Variants in HOXB3 observed in about 807,000 individuals in gnomAD.
HOXB3 encodes homeobox protein Hox-B3.
A neutral mutation model predicts 29.2 loss-of-function variants in HOXB3; 17 were observed. The ratio of observed to expected loss-of-function variants is 0.58; its 90% confidence interval spans 0.40 to 0.87. HOXB3 has a LOEUF of 0.87. Ranked by LOEUF, HOXB3 falls within the 40% of genes least tolerant of loss-of-function variation. The probability of loss-of-function intolerance (pLI) is 0.00; values close to 1 mark genes in which losing one functional copy is unlikely to be tolerated. For missense variants in HOXB3, 637 were observed against 616.3 expected, an observed-to-expected ratio of 1.03 and a Z score of -0.35; for synonymous variants, 317 against 285.9, an observed-to-expected ratio of 1.11 and a Z score of -1.10.
chr17:48,573,900 T>C lies in HOXB3; in HGVS notation c.-310A>G. The C allele has an allele frequency of 1.4e-6, 1 of 701,728 alleles. No homozygotes were observed. Among genetic ancestry groups the C allele is most frequent in the Non-Finnish European group, 2.6e-6 (1 of 384,662 alleles). The allele number at this position is 701,728 out of a possible 1,614,324, so 43.5% of individuals were successfully genotyped here. ...ATCCCATTCATGACGAAGGGCTTCT[T>C]CCAAACTGAGAGAAAAAAGTTTTCA... On this transcript the variant is annotated 5_prime_UTR_variant, in exon 2 of 5. Transcript: ENST00000498678.
At chr17:48,579,499 C>A (rs1191959274) in intron 1 of HOXB3, 1 of 152,608 alleles carries the variant, frequency 6.6e-6, no homozygotes, top group African/African-American at 2.4e-5. Context: ...CCTTTGCCTT[C>A]TTCGCACACT....
intron 1 of HOXB3, chr17:48,578,109 G>T (rs1006234182): frequency 2.3e-6 from 3 of 1,277,630 alleles, no homozygotes; most frequent in African/African-American, 3.1e-5. Flanking sequence ...GGGGGCCCAG[G>T]GTCCCGGCAG....
rs865802713 is a variant in HOXB3, at chr17:48,578,418, C to A, written c.-424-4404G>T. ...GCCCTCCTACTTACTGTCAAGTGAA[C>A]AAAGTTAGGCGCCCACGTGATCCTC... On this transcript the variant is annotated intron_variant, in intron 1 of 4. Coordinates refer to ENST00000498678, the MANE Select transcript of HOXB3 (RefSeq NM_001384749.1). 2.8e-6 allele frequency: 4 copies of A among 1,441,360 alleles called. No homozygotes were observed. The East Asian group carries it at 8.4e-5, about 30-fold the overall frequency. 89.3% of individuals were successfully genotyped at this position (1,441,360 alleles called of 1,614,324 possible).
At chr17:48,577,652 C>G (rs892153818) in intron 1 of HOXB3, among the ~76,000 whole-genome samples, 1 of 152,314 alleles carries the variant, frequency 6.6e-6, no homozygotes, top group African/African-American at 2.4e-5. Flanking sequence ...GAACCTACTT[C>G]AAAGGCGCAG....
rs1420826256 is a variant in HOXB3, at chr17:48,554,722, C to T, written c.-159+809G>A. 1.4e-6 allele frequency: 1 copy of T among 702,364 alleles called. No individual in the cohort carries two copies. The highest frequency in any genetic ancestry group is 1.7e-5 in the African/African-American group (1 of 57,380). The allele number at this position is 702,364 out of a possible 1,614,324, so 43.5% of individuals were successfully genotyped here. ...TCCCAGCACACCAGCCGGCCGAGGG[C>T]CGAGCCCCGCGGGCGGCAGCAAGTT... On this transcript the variant is annotated intron_variant, in intron 3 of 4. Transcript: ENST00000498678. This position sits in a 1 kb window ranked among gnomAD's most constrained non-coding sequence, Gnocchi z 4.1.
chr17:48,561,980 C>T (rs1164698647), intron 2 of HOXB3, among the ~76,000 whole-genome samples: 1 of 152,128 alleles, frequency 6.6e-6, no homozygotes, highest in African/African-American at 2.4e-5. Context: ...ATAACGGGCA[C>T]CATCGTCACC....
intron 2 of HOXB3, among the ~76,000 whole-genome samples, chr17:48,562,555 C>T (rs1006634234): frequency 1.3e-5 from 2 of 152,150 alleles, no homozygotes; most frequent in African/African-American, 2.4e-5. Flanking sequence ...TCAAGATGCC[C>T]CAACAATGCA....
chr17:48,578,049 G>A (rs201123784), intron 1 of HOXB3: 12,424 of 1,223,522 alleles, frequency 0.01, 87 homozygotes, highest in Non-Finnish European at 0.012. Context: ...GGAGCCCGAG[G>A]GGACAGACCG....
chr17:48,573,978 C>T lies in HOXB3; in HGVS notation c.-388G>A. Reference sequence around the variant, plus strand: ...TTGCAGATCCGGGAGAGACGGCTAACACTTTTTTCCCCCAACAGCCGGTCC... The same window carrying T: ...TTGCAGATCCGGGAGAGACGGCTAATACTTTTTTCCCCCAACAGCCGGTCC... On this transcript the variant is annotated 5_prime_UTR_variant, in exon 2 of 5. Coordinates refer to ENST00000498678, the MANE Select transcript of HOXB3 (RefSeq NM_001384749.1). 1.5e-6 allele frequency: 1 copy of T among 678,470 alleles called. No homozygotes were observed. The highest frequency in any genetic ancestry group is 2.2e-5 in the Admixed American group (1 of 45,206). The allele number at this position is 678,470 out of a possible 1,614,324, so 42.0% of individuals were successfully genotyped here.
Position 48,551,147 on chromosome 17 carries a change from GCCGCCGCCA to G in HOXB3, c.474_482del (p.Gly162_Gly164del), listed in dbSNP as rs763638422. 7.1e-4 allele frequency: 918 copies of G among 1,297,156 alleles called. 4 individuals are homozygous for G. In the African/African-American group the frequency reaches 0.013, roughly 18 times the overall value. The allele number at this position is 1,297,156 out of a possible 1,614,324, so 80.4% of individuals were successfully genotyped here. On this transcript the variant is annotated inframe_deletion, in exon 5 of 5. Transcript: ENST00000498678. ...CCCCGCTGCCACCACTGCCTCCGCC[GCCGCCGCCA>G]CCGCCGCCGCCACCACAGCCCTCTG...
chr17:48,569,038 T>C (rs2069488990), intron 2 of HOXB3, among the ~76,000 whole-genome samples: 1 of 148,304 alleles, frequency 6.7e-6, no homozygotes, highest in Non-Finnish European at 1.5e-5. Flanking sequence ...TTTCTTTCTC[T>C]CTCTCTCTCT....
At chr17:48,576,269 G>GCGGGTGT (rs1297256769) in intron 1 of HOXB3, 2 of 154,190 alleles carry the variant, frequency 1.3e-5, no homozygotes, top group Non-Finnish European at 2.9e-5. Flanking sequence ...TCATTTGTTA[G>GCGGGTGT]CGGGTGTCGA....
At chr17:48,571,086 T>A (rs1185305336) in intron 2 of HOXB3, among the ~76,000 whole-genome samples, 1 of 152,180 alleles carries the variant, frequency 6.6e-6, no homozygotes, top group Non-Finnish European at 1.5e-5. Context: ...AAAATGACCA[T>A]ACTCTTTTCG....
rs2068870496 is a variant in HOXB3, at chr17:48,554,208, AG to A, written c.-159+1322del. ...TTAGCTTCCAAGCAGCCCTGGCTGA[AG>A]GGGGAATTAATTAACAGGCATTAGT... On this transcript the variant is annotated intron_variant, in intron 3 of 4. Coordinates refer to ENST00000498678, the MANE Select transcript of HOXB3 (RefSeq NM_001384749.1). This position sits in a 1 kb window ranked among gnomAD's most constrained non-coding sequence, Gnocchi z 4.1. The A allele has an allele frequency of 5.5e-6, 1 of 181,656 alleles. No individual in the cohort carries two copies. Among genetic ancestry groups the A allele is most frequent in the African/African-American group, 2.4e-5 (1 of 41,882 alleles). 11.3% of individuals were successfully genotyped at this position (181,656 alleles called of 1,614,324 possible). A position where few individuals can be genotyped will look rare whatever the true frequency, so the allele number is the denominator to read the frequency against.
At chr17:48,573,335 A>G (rs1473629401) in intron 2 of HOXB3, among the ~76,000 whole-genome samples, 1 of 152,238 alleles carries the variant, frequency 6.6e-6, no homozygotes. Flanking sequence ...AAGCTGGAAC[A>G]TTCCATCCAA....
intron 2 of HOXB3, among the ~76,000 whole-genome samples, chr17:48,565,990 G>A (rs923637299): frequency 9.9e-5 from 15 of 152,096 alleles, no homozygotes; most frequent in African/African-American, 3.1e-4. Flanking sequence ...TCACTAAAGC[G>A]TTAGCAGCCT....
chr17:48,584,702 A>C (rs1302279566), intron 1 of HOXB3, among the ~76,000 whole-genome samples: 1 of 152,048 alleles, frequency 6.6e-6, no homozygotes, highest in Non-Finnish European at 1.5e-5. Context: ...GGTTCACCAC[A>C]CCCTTAAGCG....
chr17:48,581,727 A>C (rs2069945184), intron 1 of HOXB3: 2 of 152,272 alleles, frequency 1.3e-5, no homozygotes, highest in African/African-American at 4.8e-5. Context: ...AGAGAGAGGA[A>C]CAGGCGGCAG....
chr17:48,570,165 A>G (rs904434241), intron 2 of HOXB3, among the ~76,000 whole-genome samples: 1 of 152,166 alleles, frequency 6.6e-6, no homozygotes, highest in African/African-American at 2.4e-5. Context: ...TCAACAAACA[A>G]TGGAGGCTGA....
Sources: allele counts gnomAD v4.1 joint callset (sites outside exome capture counted in the v4.1 genomes callset), GRCh38; gene constraint gnomAD v4.1.1; non-coding constraint Gnocchi (gnomAD v3.1); transcripts MANE v1.5; gene names NCBI Gene and HGNC (gene_info 2026-07-23, HGNC 2026-07-21).